Variants in ARL15 observed in about 807,000 individuals in gnomAD.
The protein encoded by ARL15 is ARF like GTPase 15, also known as ADP-ribosylation factor-like protein 15.
In ARL15, 19 loss-of-function variants were observed where a neutral mutation model predicts 25.2. The ratio of observed to expected loss-of-function variants is 0.75; its 90% CI spans 0.53 to 1.10. ARL15 has a LOEUF of 1.10. ARL15 is among the 50% of genes least tolerant of loss of function. ARL15 has a pLI of 0.00. For missense variants in ARL15, 220 were observed against 246.0 expected, an observed-to-expected ratio of 0.89 and a Z score of 0.71; for synonymous variants, 94 against 86.8, an observed-to-expected ratio of 1.08 and a Z score of -0.46.
intron 4 of ARL15, among the ~76,000 whole-genome samples, chr5:53,915,000 G>A (rs1018423623): frequency 3.3e-5 from 5 of 152,110 alleles, no homozygotes; most frequent in Admixed American, 6.5e-5. Flanking sequence ...TAGTAGAGAC[G>A]GGGCTTCACC....
At chr5:54,196,965 A>C (rs1474187800) in intron 1 of ARL15, among the ~76,000 whole-genome samples, 1 of 152,132 alleles carries the variant, frequency 6.6e-6, no homozygotes, top group Non-Finnish European at 1.5e-5. Flanking sequence ...TAAAGGATGA[A>C]AACTTTAAAC....
chr5:53,920,656 A>AATAAATAC (rs1745822618), intron 4 of ARL15, among the ~76,000 whole-genome samples: 1 of 139,310 alleles, frequency 7.2e-6, no homozygotes. Flanking sequence ...AAAAATAATA[A>AATAAATAC]ATAAATAAAT....
At chr5:53,899,681 C>A (rs932261823) in intron 4 of ARL15, among the ~76,000 whole-genome samples, 1 of 151,982 alleles carries the variant, frequency 6.6e-6, no homozygotes, top group Non-Finnish European at 1.5e-5. Flanking sequence ...GTTCTATATT[C>A]TTTTCCTTGT....
At position 54,223,734 on chromosome 5, in the gene ARL15, C is replaced by G. The variant is rs1029177960; in HGVS notation, c.49-51806G>C. Reference sequence around the variant, plus strand: ...GTATCAATCAAATGGCATAAAAATACTTGCAACATGGTCATCTTGAAAAAT... The same window carrying G: ...GTATCAATCAAATGGCATAAAAATAGTTGCAACATGGTCATCTTGAAAAAT... On this transcript the variant is annotated intron_variant, in intron 1 of 4. Coordinates refer to ENST00000504924, the MANE Select transcript of ARL15 (RefSeq NM_019087.3). Among the ~76,000 whole-genome samples, 8 of 152,162 alleles carry G rather than the reference C, an allele frequency of 5.3e-5. No individual in the cohort carries two copies. In the East Asian group the frequency reaches 1.5e-3, roughly 29 times the overall value.
At chr5:53,911,604 T>C (rs1436645708) in intron 4 of ARL15, among the ~76,000 whole-genome samples, 1 of 152,136 alleles carries the variant, frequency 6.6e-6, no homozygotes, top group Non-Finnish European at 1.5e-5. Flanking sequence ...AGTTCTCTAG[T>C]GGTGACTTCT....
At chr5:53,927,153 G>A (rs934981640) in intron 4 of ARL15, among the ~76,000 whole-genome samples, 1 of 152,008 alleles carries the variant, frequency 6.6e-6, no homozygotes, top group African/African-American at 2.4e-5. Flanking sequence ...TTTCTAACTT[G>A]CAGTGAGGGC....
intron 1 of ARL15, among the ~76,000 whole-genome samples, chr5:54,175,560 C>A (rs771565886): frequency 1.4e-4 from 22 of 151,976 alleles, no homozygotes; most frequent in Non-Finnish European, 2.8e-4. Flanking sequence ...GTCTTGAACT[C>A]TCGACTTCAG....
chr5:54,299,499 A>C (rs192049213), intron 1 of ARL15, among the ~76,000 whole-genome samples: 1 of 152,290 alleles, frequency 6.6e-6, no homozygotes, highest in African/African-American at 2.4e-5. Context: ...TATAGCATAT[A>C]AAAAATACTG....
chr5:54,057,199 G>T (rs1429199782), intron 4 of ARL15, among the ~76,000 whole-genome samples: 1 of 152,134 alleles, frequency 6.6e-6, no homozygotes, highest in Admixed American at 6.6e-5. Context: ...AGGAATAAAA[G>T]ATGTTTATAA....
chr5:54,231,786 T>C (rs1756678594), intron 1 of ARL15, among the ~76,000 whole-genome samples: 1 of 152,002 alleles, frequency 6.6e-6, no homozygotes, highest in South Asian at 2.1e-4. Flanking sequence ...TGAGGGAGCT[T>C]TCTGGTGTTT....
intron 4 of ARL15, among the ~76,000 whole-genome samples, chr5:54,070,113 AG>A (rs1180523534): frequency 6.7e-6 from 1 of 149,046 alleles, no homozygotes; most frequent in Non-Finnish European, 1.5e-5. Flanking sequence ...GGTTTGGGCC[AG>A]GTGCGGTGGC....
At chr5:54,121,187 C>T (rs934533411) in intron 3 of ARL15, among the ~76,000 whole-genome samples, 1 of 152,116 alleles carries the variant, frequency 6.6e-6, no homozygotes, top group African/African-American at 2.4e-5. Flanking sequence ...AAGTTATTAC[C>T]ATATTTACTC....
chr5:54,151,293 A>G (rs150890950), intron 3 of ARL15, among the ~76,000 whole-genome samples: 1 of 152,276 alleles, frequency 6.6e-6, no homozygotes, highest in African/African-American at 2.4e-5. Context: ...CCACCAAACC[A>G]CTGGGCTAGA....
chr5:54,268,936 T>C (rs1217372993), intron 1 of ARL15, among the ~76,000 whole-genome samples: 1 of 151,994 alleles, frequency 6.6e-6, no homozygotes, highest in African/African-American at 2.4e-5. Context: ...ATGGATGAAA[T>C]TGGAAATCAT....
intron 4 of ARL15, chr5:53,887,289 T>G: frequency 1.5e-6 from 1 of 670,158 alleles, no homozygotes; most frequent in Non-Finnish European, 2.7e-6. Context: ...AGAAACTGCA[T>G]GTATGTATGT....
chr5:53,976,791 G>C (rs1747941119), intron 4 of ARL15, among the ~76,000 whole-genome samples: 1 of 152,182 alleles, frequency 6.6e-6, no homozygotes, highest in Non-Finnish European at 1.5e-5. Context: ...CAGGTGTAGG[G>C]AGCTGGCAGT....
At chr5:53,993,315 G>T (rs1748567673) in intron 4 of ARL15, among the ~76,000 whole-genome samples, 2 of 152,022 alleles carry the variant, frequency 1.3e-5, no homozygotes, top group Admixed American at 6.5e-5. Context: ...TTGAGTCATA[G>T]AATGCAGTTT....
At chr5:53,959,173 A>G (rs1213202185) in intron 4 of ARL15, among the ~76,000 whole-genome samples, 1 of 152,226 alleles carries the variant, frequency 6.6e-6, no homozygotes, top group Non-Finnish European at 1.5e-5. Flanking sequence ...AACAAGTCTC[A>G]ATAAATTTAA....
chr5:53,991,337 T>A (rs779479378), intron 4 of ARL15, among the ~76,000 whole-genome samples: 1 of 151,380 alleles, frequency 6.6e-6, no homozygotes, highest in Non-Finnish European at 1.5e-5. Flanking sequence ...AGGTAAGGAG[T>A]TCGAGACCAG....
Sources: allele counts gnomAD v4.1 joint callset (sites outside exome capture counted in the v4.1 genomes callset), GRCh38; gene constraint gnomAD v4.1.1; transcripts MANE v1.5; gene names NCBI Gene and HGNC (gene_info 2026-07-23, HGNC 2026-07-21).